SLC2A13: variants seen among roughly 807,000 people sequenced by gnomAD.
The protein encoded by SLC2A13 is proton myo-inositol cotransporter.
SLC2A13 carries 32 observed loss-of-function variants against 64.4 expected under a neutral mutation model. The observed-to-expected ratio is 0.50, with a 90% CI of 0.37 to 0.67. The LOEUF (loss-of-function observed/expected upper bound fraction) is 0.67, where lower values mean the gene tolerates loss of function less well. SLC2A13 is among the 30% of genes least tolerant of loss of function. SLC2A13 has a pLI of 0.00. For synonymous variants in SLC2A13, 338 were observed against 327.1 expected (o/e 1.03, Z -0.36); for missense variants, 743 against 829.2 (o/e 0.90, Z 1.28).
intron 6 of SLC2A13, 87 bp downstream of exon 6, chr12:39,864,675 C>T (rs998426597): frequency 4.6e-6 from 7 of 1,531,926 alleles, no homozygotes; most frequent in African/African-American, 2.8e-5. Context: ...CAAGCTCCTA[C>T]TCATCTCTAC....
At chr12:39,845,508 G>T (rs1943284891) in intron 6 of SLC2A13, among the ~76,000 whole-genome samples, 1 of 152,066 alleles carries the variant, frequency 6.6e-6, no homozygotes, top group African/African-American at 2.4e-5. Flanking sequence ...TTGCATAGTT[G>T]GTTAGAAGGT....
intron 3 of SLC2A13, among the ~76,000 whole-genome samples, chr12:40,010,526 T>A (rs1333563133): frequency 6.6e-6 from 1 of 152,138 alleles, no homozygotes; most frequent in African/African-American, 2.4e-5. Flanking sequence ...TTGTCTACAA[T>A]CTCCATAAAT....
At chr12:39,898,510 C>A (rs1473447052) in intron 4 of SLC2A13, among the ~76,000 whole-genome samples, 2 of 151,862 alleles carry the variant, frequency 1.3e-5, no homozygotes, top group African/African-American at 4.8e-5. Flanking sequence ...TTTCCCCCCT[C>A]TATCATTGAA....
chr12:40,081,111 C>CTACTCTT (rs1938382531), intron 1 of SLC2A13, among the ~76,000 whole-genome samples: 1 of 152,168 alleles, frequency 6.6e-6, no homozygotes, highest in Non-Finnish European at 1.5e-5. Context: ...TGACCTGCCC[C>CTACTCTT]TACTCTTTGA....
intron 4 of SLC2A13, among the ~76,000 whole-genome samples, chr12:39,896,462 G>A (rs1944896807): frequency 7.2e-6 from 1 of 139,400 alleles, no homozygotes; most frequent in South Asian, 2.2e-4. Flanking sequence ...GTGTATATAT[G>A]TATACATATA....
chr12:40,000,469 A>G (rs997857061), intron 3 of SLC2A13, among the ~76,000 whole-genome samples: 1 of 152,216 alleles, frequency 6.6e-6, no homozygotes, highest in African/African-American at 2.4e-5. Flanking sequence ...TACACCTGGT[A>G]GTGCCAAGCA....
At chr12:39,818,559 A>T (rs149769391) in intron 7 of SLC2A13, among the ~76,000 whole-genome samples, 1 of 152,326 alleles carries the variant, frequency 6.6e-6, no homozygotes, top group African/African-American at 2.4e-5. Flanking sequence ...TTACATAAGT[A>T]GCTTATGTGA....
intron 1 of SLC2A13, among the ~76,000 whole-genome samples, chr12:40,099,408 G>A (rs1014350620): frequency 6.6e-6 from 1 of 152,190 alleles, no homozygotes; most frequent in East Asian, 1.9e-4. Flanking sequence ...GTGATTTTGG[G>A]TAAAGATGGC....
At chr12:40,100,389 C>T (rs2136307567) in intron 1 of SLC2A13, among the ~76,000 whole-genome samples, 1 of 152,262 alleles carries the variant, frequency 6.6e-6, no homozygotes, top group South Asian at 2.1e-4. Context: ...GAATAAATGC[C>T]AACACCAGGG....
intron 3 of SLC2A13, among the ~76,000 whole-genome samples, chr12:40,025,252 G>C (rs1298709812): frequency 6.6e-6 from 1 of 152,178 alleles, no homozygotes; most frequent in Non-Finnish European, 1.5e-5. Flanking sequence ...GACATGGCCA[G>C]AGCAACTGCC....
chr12:39,834,184 G>C (rs1399705168), intron 6 of SLC2A13, among the ~76,000 whole-genome samples: 1 of 151,996 alleles, frequency 6.6e-6, no homozygotes, highest in African/African-American at 2.4e-5. Flanking sequence ...CTTTTCTCTT[G>C]TTAATCTCTC....
chr12:40,045,537 A>T (rs867290101), intron 2 of SLC2A13, among the ~76,000 whole-genome samples: 7 of 150,112 alleles, frequency 4.7e-5, no homozygotes, highest in South Asian at 2.2e-4. Flanking sequence ...ACTGATAAGG[A>T]TACTAGATAA....
At chr12:40,051,820 A>C (rs1948261434) in intron 1 of SLC2A13, among the ~76,000 whole-genome samples, 1 of 152,106 alleles carries the variant, frequency 6.6e-6, no homozygotes. Flanking sequence ...TAAAGGCCAA[A>C]TTAAGGGCTT....
chr12:39,971,997 A>AAAATATATATATAT (rs1375405006), intron 3 of SLC2A13, among the ~76,000 whole-genome samples: 4 of 77,378 alleles, frequency 5.2e-5, no homozygotes, highest in Admixed American at 1.8e-4. Context: ...AAAAAAAAAA[A>AAAATATATATATAT]ATATATATAT....
At chr12:39,945,918 G>C (rs535443904) in intron 4 of SLC2A13, among the ~76,000 whole-genome samples, 23 of 151,692 alleles carry the variant, frequency 1.5e-4, no homozygotes, top group African/African-American at 5.1e-4. Context: ...TTGTGGGGGG[G>C]TGTTGAAGAG....
At chr12:40,030,450 T>G (rs999420174) in intron 2 of SLC2A13, among the ~76,000 whole-genome samples, 5 of 152,218 alleles carry the variant, frequency 3.3e-5, no homozygotes, top group Non-Finnish European at 5.9e-5. Context: ...AAGGGATTTT[T>G]CAAGGTAGAC....
Position 39,755,652 on chromosome 12 carries a change from C to T in SLC2A13, c.*4374G>A, listed in dbSNP as rs964193599. ...TTGGTTACTCATTAGCTGCATGATC[C>T]ACTTCTTTTTCTCATTTATGCTGAC... On this transcript the variant is annotated 3_prime_UTR_variant, in exon 10 of 10. Transcript: ENST00000280871. 31 of 151,912 alleles carry T rather than the reference C, an allele frequency of 2.0e-4. No individual in the cohort carries two copies. The highest frequency in any genetic ancestry group is 7.5e-4 in the African/African-American group (31 of 41,380). The allele number at this position is 151,912 out of a possible 1,614,324, so 9.4% of individuals were successfully genotyped here.
At chr12:39,799,482 C>T (rs1328475692) in intron 7 of SLC2A13, among the ~76,000 whole-genome samples, 1 of 151,848 alleles carries the variant, frequency 6.6e-6, no homozygotes, top group East Asian at 1.9e-4. Context: ...CCCAGAATAA[C>T]CTCTAAAATT....
chr12:39,896,532 G>GTATGTATGTGTGTATACATGTATACATA (rs1565528846), intron 4 of SLC2A13, among the ~76,000 whole-genome samples: 6 of 138,300 alleles, frequency 4.3e-5, no homozygotes, highest in African/African-American at 1.4e-4. Flanking sequence ...ATGTATACAT[G>GTATGTATGTGTGTATACATGTATACATA]TATGTATGTA....
Sources: gnomAD v4.1 joint callset for allele counts (sites outside exome capture counted in the v4.1 genomes callset) on GRCh38, gnomAD v4.1.1 for gene constraint, MANE v1.5 for transcripts, NCBI Gene and HGNC (gene_info 2026-07-23, HGNC 2026-07-21) for gene names.